Variants in LARS1 observed in about 807,000 individuals in gnomAD.
The protein encoded by LARS1 is leucine--tRNA ligase, cytoplasmic.
In LARS1, 100 loss-of-function variants were observed where a neutral mutation model predicts 162.8. The observed-to-expected ratio is 0.61, with a 90% CI of 0.52 to 0.73. LARS1 has a LOEUF of 0.73. Among genes scored for constraint, LARS1 ranks in the 30% least tolerant of loss-of-function variants. The pLI, the probability that LARS1 is intolerant of heterozygous loss-of-function variation, is 0.00. For missense variants in LARS1, 1,258 were observed against 1,408.9 expected, an observed-to-expected ratio of 0.89 and a Z score of 1.71; for synonymous variants, 457 against 462.8, an observed-to-expected ratio of 0.99 and a Z score of 0.16.
At chr5:146,168,037 T>C (rs1488154983) in intron 5 of LARS1, 91 bp downstream of exon 5, 2 of 1,054,904 alleles carry the variant, frequency 1.9e-6, no homozygotes, top group African/African-American at 3.2e-5. Flanking sequence ...GTACATTTTA[T>C]GTGTTGGGCA....
chr5:146,143,540 C>T lies in LARS1; in HGVS notation c.1749G>A (p.Leu583=), dbSNP rs766494084. Residue 583 remains leucine (L), a synonymous_variant, in exon 19 of 32, where the codon CTG becomes CTA. Transcript: ENST00000394434. The part of the protein sequence containing the change: ...CSRTYGLGTH[L]PWDEQWLIES... The stretch of plus-strand genomic sequence containing the variant: ...CAATCAGCCACTGCTCATCCCAAGG[C>T]AGGTGAGTGCCTGAAAAATAAAAAG... 2 of 1,613,496 alleles carry T rather than the reference C, an allele frequency of 1.2e-6. No homozygotes were observed. Among genetic ancestry groups the T allele is most frequent in the South Asian group, 1.1e-5 (1 of 90,994 alleles).
chr5:146,170,634 T>C (rs1028122798), intron 4 of LARS1, among the ~76,000 whole-genome samples: 1 of 152,168 alleles, frequency 6.6e-6, no homozygotes, highest in African/African-American at 2.4e-5. Flanking sequence ...TTAGAATACA[T>C]GCTGAAGTAT....
chr5:146,168,482 G>T (rs1207926266), intron 4 of LARS1, among the ~76,000 whole-genome samples: 2 of 152,132 alleles, frequency 1.3e-5, no homozygotes. Flanking sequence ...CAGATCACTT[G>T]TCAGGAGTTC....
chr5:146,170,096 C>T (rs1250385234), intron 4 of LARS1, among the ~76,000 whole-genome samples: 1 of 152,084 alleles, frequency 6.6e-6, no homozygotes, highest in African/African-American at 2.4e-5. Flanking sequence ...ACTTCAAAAA[C>T]ATCAATATCA....
At chr5:146,167,333 T>C (rs754623662) in intron 5 of LARS1, among the ~76,000 whole-genome samples, 1 of 152,280 alleles carries the variant, frequency 6.6e-6, no homozygotes. Context: ...CTATATACTA[T>C]CTTGCAGTTC....
intron 25 of LARS1, 85 bp downstream of exon 25, chr5:146,129,929 TTCTC>T: frequency 1.5e-6 from 2 of 1,349,526 alleles, no homozygotes; most frequent in South Asian, 2.8e-5. Flanking sequence ...CTTTCAGACT[TTCTC>T]TCTTAAGTAA....
At chr5:146,121,872 T>G (rs1456202014) in intron 30 of LARS1, among the ~76,000 whole-genome samples, 1 of 152,084 alleles carries the variant, frequency 6.6e-6, no homozygotes, top group Non-Finnish European at 1.5e-5. Context: ...AAATACCTAA[T>G]GTAGATGACG....
At chr5:146,171,811 A>T in intron 4 of LARS1, 99 bp downstream of exon 4, 1 of 751,378 alleles carries the variant, frequency 1.3e-6, no homozygotes, top group Non-Finnish European at 2.2e-6. Context: ...TTCATACTTT[A>T]ATGCAGCAAT....
At chr5:146,182,448 G>A in intron 1 of LARS1, 40 bp downstream of exon 1, 2 of 1,613,694 alleles carry the variant, frequency 1.2e-6, no homozygotes, top group Non-Finnish European at 1.7e-6. Context: ...TGGCCAGTCC[G>A]GCTCCAGGGC....
chr5:146,133,284 A>C (rs1385886362), intron 22 of LARS1, among the ~76,000 whole-genome samples: 1 of 152,208 alleles, frequency 6.6e-6, no homozygotes, highest in Non-Finnish European at 1.5e-5. Flanking sequence ...CGAACCATCC[A>C]TATTGATTTG....
chr5:146,173,472 G>C (rs1034153619), intron 2 of LARS1, among the ~76,000 whole-genome samples: 1 of 149,938 alleles, frequency 6.7e-6, no homozygotes, highest in Non-Finnish European at 1.5e-5. Context: ...AAGTCCCTCA[G>C]GTAATATAAA....
intron 27 of LARS1, among the ~76,000 whole-genome samples, chr5:146,128,342 CAA>C (rs1456226477): frequency 6.6e-6 from 1 of 152,112 alleles, no homozygotes; most frequent in Non-Finnish European, 1.5e-5. Flanking sequence ...TCCCACTGCT[CAA>C]GTTACAACAA....
intron 21 of LARS1, chr5:146,137,964 T>C (rs1022277764): frequency 2.6e-5 from 4 of 155,824 alleles, no homozygotes; most frequent in African/African-American, 4.9e-5. Context: ...CTACTAAAAA[T>C]ACAAAAAAAT....
intron 26 of LARS1, 79 bp downstream of exon 26, chr5:146,128,899 C>G (rs1752156290): frequency 6.9e-7 from 1 of 1,450,092 alleles, no homozygotes; most frequent in Admixed American, 2.3e-5. Context: ...ATCTTTTTAA[C>G]TTTCATTATT....
chr5:146,182,403 C>A (rs1754912216), intron 1 of LARS1, 85 bp downstream of exon 1: 1 of 1,555,718 alleles, frequency 6.4e-7, no homozygotes, highest in African/African-American at 1.4e-5. Context: ...AAAGGACTTT[C>A]CCTTCAGGAC....
chr5:146,157,756 C>T lies in LARS1; in HGVS notation c.811G>A (p.Val271Met). 1.5e-5 allele frequency: 25 copies of T among 1,614,088 alleles called. No individual in the cohort carries two copies. Among genetic ancestry groups the T allele is most frequent in the Non-Finnish European group, 2.1e-5 (25 of 1,180,016 alleles). The change falls in exon 9 of 32, where the codon GTG (valine) becomes ATG (methionine). Residue 271 changes from valine to methionine, a missense_variant. Val to Met is a conservative substitution (Grantham distance 21). Coordinates refer to ENST00000394434, the MANE Select transcript of LARS1 (RefSeq NM_020117.11). ...AATTTAGATGGGTATGGCTCAAGCA[C>T]CTTCAATTTGAGTAAAGTATATTCC... ...PQEYTLLKLK[V>M]LEPYPSKLSG...
At chr5:146,122,417 G>C in intron 30 of LARS1, 75 bp downstream of exon 30, 1 of 787,334 alleles carries the variant, frequency 1.3e-6, no homozygotes, top group Middle Eastern at 2.4e-4. Flanking sequence ...TTTTAAATGT[G>C]GGTTTAGATG....
intron 20 of LARS1, among the ~76,000 whole-genome samples, chr5:146,141,110 T>C (rs1010885648): frequency 6.6e-6 from 1 of 152,194 alleles, no homozygotes; most frequent in African/African-American, 2.4e-5. Flanking sequence ...CTTTAAATTT[T>C]CAAACTATGT....
At chr5:146,180,707 T>C (rs573508942) in intron 1 of LARS1, among the ~76,000 whole-genome samples, 1 of 152,302 alleles carries the variant, frequency 6.6e-6, no homozygotes, top group East Asian at 1.9e-4. Context: ...AGATCAAGTA[T>C]AATAAAATCT....
Sources: allele counts gnomAD v4.1 joint callset (sites outside exome capture counted in the v4.1 genomes callset), GRCh38; gene constraint gnomAD v4.1.1; transcripts MANE v1.5; gene names NCBI Gene and HGNC (gene_info 2026-07-23, HGNC 2026-07-21).